ACTR3C: variants seen among roughly 807,000 people sequenced by gnomAD.
ACTR3C encodes actin-related protein 3C.
ACTR3C carries 18 observed loss-of-function variants against 26.3 expected under a neutral mutation model. The ratio of observed to expected loss-of-function variants is 0.68; its 90% CI spans 0.47 to 1.01. The LOEUF is 1.01. ACTR3C is among the 50% of genes least tolerant of loss of function. The pLI is 0.00. For synonymous variants in ACTR3C, 55 were observed against 94.5 expected (o/e 0.58, Z 2.42); for missense variants, 184 against 250.7 (o/e 0.73, Z 1.80).
At chr7:150,183,465 A>C in the ACTR3C span, among the ~76,000 whole-genome samples, 1 of 149,888 alleles carries the variant, frequency 6.7e-6, no homozygotes, top group Non-Finnish European at 1.5e-5. Flanking sequence ...TTATGTGTGC[A>C]GTTGGCAGTG....
chr7:150,236,250 G>A, the ACTR3C span, among the ~76,000 whole-genome samples: 452 of 152,304 alleles, frequency 3.0e-3, 3 homozygotes, highest in Non-Finnish European at 5.5e-3. Flanking sequence ...AGTATCCATG[G>A]TAATGAAGGT....
intron 1 of ACTR3C, among the ~76,000 whole-genome samples, chr7:150,317,372 T>C (rs1334564175): frequency 6.6e-6 from 1 of 152,248 alleles, no homozygotes; most frequent in Non-Finnish European, 1.5e-5. Context: ...ATTTTCTAAC[T>C]GGTGGTTGTT....
chr7:150,223,291 A>G, the ACTR3C span, among the ~76,000 whole-genome samples: 6 of 152,220 alleles, frequency 3.9e-5, no homozygotes, highest in East Asian at 9.6e-4. Context: ...GTATGGATGT[A>G]CCATTATTAA....
At chr7:150,293,107 TC>T (rs1232962922) in intron 3 of ACTR3C, among the ~76,000 whole-genome samples, 5 of 151,944 alleles carry the variant, frequency 3.3e-5, no homozygotes, top group Non-Finnish European at 7.4e-5. Flanking sequence ...TAATTGGCCA[TC>T]CTTTTCATTC....
chr7:149,908,956 A>G, the ACTR3C span, among the ~76,000 whole-genome samples: 1 of 152,042 alleles, frequency 6.6e-6, no homozygotes, highest in African/African-American at 2.4e-5. Flanking sequence ...TAATTTTTGT[A>G]TTTTTGATAG....
chr7:150,195,107 G>GTATATATA, the ACTR3C span, among the ~76,000 whole-genome samples: 35 of 138,506 alleles, frequency 2.5e-4, no homozygotes, highest in African/African-American at 9.1e-4. Flanking sequence ...ATACATATAT[G>GTATATATA]TATATATATA....
intron 6 of ACTR3C, among the ~76,000 whole-genome samples, chr7:150,259,345 C>A (rs1464881723): frequency 1.1e-4 from 16 of 150,326 alleles, no homozygotes; most frequent in South Asian, 6.3e-4. Context: ...GAAAGAAAGA[C>A]AGAGAAAGAA....
the ACTR3C span, among the ~76,000 whole-genome samples, chr7:150,177,309 C>T: frequency 6.6e-6 from 1 of 150,612 alleles, no homozygotes; most frequent in Non-Finnish European, 1.5e-5. Context: ...TAGAAGTCAA[C>T]TCAAATTCTC....
the ACTR3C span, among the ~76,000 whole-genome samples, chr7:149,979,246 G>A: frequency 6.6e-6 from 1 of 152,202 alleles, no homozygotes; most frequent in Non-Finnish European, 1.5e-5. Context: ...GAGCTGGCAG[G>A]TTCCCAGTTA....
chr7:150,210,846 G>A, the ACTR3C span, among the ~76,000 whole-genome samples: 2 of 143,674 alleles, frequency 1.4e-5, no homozygotes, highest in African/African-American at 2.9e-5. Flanking sequence ...ATGTGCACAC[G>A]TCAATACTTA....
chr7:150,234,557 G>A, the ACTR3C span, among the ~76,000 whole-genome samples: 1 of 152,082 alleles, frequency 6.6e-6, no homozygotes, highest in African/African-American at 2.4e-5. Context: ...TCACTCTCAC[G>A]CAACTCCACA....
intron 1 of ACTR3C, among the ~76,000 whole-genome samples, chr7:150,296,601 A>G (rs1427273001): frequency 2.1e-5 from 3 of 145,162 alleles, no homozygotes; most frequent in Admixed American, 6.9e-5. Flanking sequence ...TAAAACTGAA[A>G]AAATAAAAAG....
chr7:149,940,575 T>C, the ACTR3C span, among the ~76,000 whole-genome samples: 5 of 152,194 alleles, frequency 3.3e-5, no homozygotes, highest in Non-Finnish European at 5.9e-5. Context: ...GGCCAAATAC[T>C]TTTTTCAAAA....
At chr7:150,306,774 G>A (rs1750024679) in intron 1 of ACTR3C, among the ~76,000 whole-genome samples, 1 of 152,182 alleles carries the variant, frequency 6.6e-6, no homozygotes. Context: ...AAAACTTCTT[G>A]TACATATGTG....
At chr7:150,258,563 A>C (rs1156267007) in intron 6 of ACTR3C, among the ~76,000 whole-genome samples, 1 of 152,262 alleles carries the variant, frequency 6.6e-6, no homozygotes, top group Non-Finnish European at 1.5e-5. Flanking sequence ...CTCCAAGTAC[A>C]TAATTGGAAC....
chr7:150,253,912 T>C (rs1833027255), intron 6 of ACTR3C, among the ~76,000 whole-genome samples: 1 of 117,608 alleles, frequency 8.5e-6, no homozygotes, highest in Non-Finnish European at 1.6e-5. Flanking sequence ...TTTTTCGTGT[T>C]TTTTTTTTTC....
At chr7:150,323,138 A>G (rs1319016542) in intron 1 of ACTR3C, 2 of 197,206 alleles carry the variant, frequency 1.0e-5, no homozygotes, top group African/African-American at 4.8e-5. Flanking sequence ...ACGATTACCG[A>G]CTGTTGACCT....
At chr7:149,927,455 G>A in the ACTR3C span, among the ~76,000 whole-genome samples, 1 of 149,702 alleles carries the variant, frequency 6.7e-6, no homozygotes, top group African/African-American at 2.5e-5. Flanking sequence ...AAAGCCAGGC[G>A]CAGTGGCTCA....
At chr7:150,287,261 A>G (rs1835858455) in intron 4 of ACTR3C, among the ~76,000 whole-genome samples, 1 of 152,060 alleles carries the variant, frequency 6.6e-6, no homozygotes, top group Non-Finnish European at 1.5e-5. Context: ...GAAAACAATA[A>G]GCAACCATAA....
Sources: gnomAD v4.1 joint callset for allele counts (sites outside exome capture counted in the v4.1 genomes callset) on GRCh38, gnomAD v4.1.1 for gene constraint, MANE v1.5 for transcripts, NCBI Gene and HGNC (gene_info 2026-07-23, HGNC 2026-07-21) for gene names.